Variants in ADGRL3 observed in about 807,000 individuals in gnomAD.
ADGRL3 encodes calcium-independent alpha-latrotoxin receptor 3.
A neutral mutation model predicts 153.5 loss-of-function variants in ADGRL3; 62 were observed. The ratio of observed to expected loss-of-function variants is 0.40; its 90% CI spans 0.33 to 0.50. ADGRL3 has a LOEUF of 0.50. ADGRL3 is among the 20% of genes least tolerant of loss of function. The pLI is 0.47. For synonymous variants in ADGRL3, 710 were observed against 672.5 expected (o/e 1.06, Z -0.86); for missense variants, 1,641 against 1,859.4 (o/e 0.88, Z 2.16).
chr4:61,650,367 G>A (rs1487307135), intron 5 of ADGRL3, among the ~76,000 whole-genome samples: 2 of 152,036 alleles, frequency 1.3e-5, no homozygotes, highest in East Asian at 1.9e-4. Flanking sequence ...AGTAACATGA[G>A]AAGCAATGAG....
chr4:61,788,394 C>A (rs1422474313), intron 8 of ADGRL3, among the ~76,000 whole-genome samples: 1 of 152,044 alleles, frequency 6.6e-6, no homozygotes, highest in Non-Finnish European at 1.5e-5. Flanking sequence ...CAGCCCAGAA[C>A]CCCGTAGCTC....
At chr4:61,333,603 T>C (rs1442919601) in intron 1 of ADGRL3, among the ~76,000 whole-genome samples, 3 of 152,020 alleles carry the variant, frequency 2.0e-5, no homozygotes, top group Non-Finnish European at 1.5e-5. Context: ...TTTTTTTTTC[T>C]TTTGTTTTTT....
intron 24 of ADGRL3, among the ~76,000 whole-genome samples, chr4:62,039,697 A>G (rs1312021629): frequency 6.6e-6 from 1 of 152,138 alleles, no homozygotes; most frequent in African/African-American, 2.4e-5. Context: ...GATGATGCTT[A>G]TAGCATGAGC....
At chr4:61,377,027 G>A (rs1167139341) in intron 1 of ADGRL3, among the ~76,000 whole-genome samples, 1 of 152,112 alleles carries the variant, frequency 6.6e-6, no homozygotes, top group African/African-American at 2.4e-5. Context: ...AACTGTATCT[G>A]TATCTGTTTA....
chr4:61,992,501 G>A (rs1225096352), intron 19 of ADGRL3, among the ~76,000 whole-genome samples: 2 of 152,164 alleles, frequency 1.3e-5, no homozygotes, highest in African/African-American at 4.8e-5. Context: ...AAGGCTTTGA[G>A]AAAGCCAGCA....
chr4:61,230,760 T>A (rs1750274748), intron 1 of ADGRL3, among the ~76,000 whole-genome samples: 1 of 152,226 alleles, frequency 6.6e-6, no homozygotes, highest in South Asian at 2.1e-4. Flanking sequence ...TATAGTAGTA[T>A]AACTTAACCA....
At chr4:61,576,693 C>T (rs777956543) in intron 4 of ADGRL3, among the ~76,000 whole-genome samples, 1 of 150,986 alleles carries the variant, frequency 6.6e-6, no homozygotes, top group Non-Finnish European at 1.5e-5. Context: ...TTGTAAGCAG[C>T]ATAGTCAATT....
At chr4:61,958,242 G>A (rs2098974830) in intron 17 of ADGRL3, among the ~76,000 whole-genome samples, 1 of 151,932 alleles carries the variant, frequency 6.6e-6, no homozygotes, top group Non-Finnish European at 1.5e-5. Flanking sequence ...TTGACCAAGT[G>A]GACAGAATTC....
intron 1 of ADGRL3, among the ~76,000 whole-genome samples, chr4:61,289,452 A>G (rs529947628): frequency 6.6e-6 from 1 of 152,178 alleles, no homozygotes; most frequent in South Asian, 2.1e-4. Context: ...GAAGACTATT[A>G]ACATACTGCG....
intron 4 of ADGRL3, among the ~76,000 whole-genome samples, chr4:61,572,560 G>C (rs2098843440): frequency 6.6e-6 from 1 of 152,070 alleles, no homozygotes; most frequent in African/African-American, 2.4e-5. Context: ...AATTATCTAA[G>C]TGACTACAGA....
At chr4:61,894,740 C>T (rs1029677702) in intron 10 of ADGRL3, among the ~76,000 whole-genome samples, 6 of 152,072 alleles carry the variant, frequency 3.9e-5, no homozygotes, top group Admixed American at 6.6e-5. Flanking sequence ...TTGTCTAGGC[C>T]CCCACAGTCT....
intron 5 of ADGRL3, among the ~76,000 whole-genome samples, chr4:61,676,129 A>C (rs2095183078): frequency 6.6e-6 from 1 of 151,860 alleles, no homozygotes. Flanking sequence ...GTGGTATGTC[A>C]TTATTCTTTT....
intron 9 of ADGRL3, among the ~76,000 whole-genome samples, chr4:61,862,687 C>T (rs899560024): frequency 1.3e-5 from 2 of 152,164 alleles, no homozygotes; most frequent in African/African-American, 2.4e-5. Flanking sequence ...CATTAGCATC[C>T]TCTGGGAACT....
intron 4 of ADGRL3, among the ~76,000 whole-genome samples, chr4:61,557,700 C>A (rs1025011838): frequency 2.0e-5 from 3 of 152,040 alleles, no homozygotes; most frequent in African/African-American, 7.2e-5. Flanking sequence ...AAACACTAAC[C>A]TTAGGAATTC....
intron 5 of ADGRL3, among the ~76,000 whole-genome samples, chr4:61,599,507 A>C (rs530834079): frequency 6.6e-6 from 1 of 152,056 alleles, no homozygotes; most frequent in East Asian, 1.9e-4. Flanking sequence ...TAAGTTTTGT[A>C]TTTTTAGTAG....
At chr4:61,268,091 T>A (rs1464511243) in intron 1 of ADGRL3, among the ~76,000 whole-genome samples, 2 of 151,602 alleles carry the variant, frequency 1.3e-5, no homozygotes, top group African/African-American at 2.4e-5. Context: ...TATGACTGGT[T>A]TTCTCAAACA....
rs192340688 is a variant in ADGRL3 at position 61,991,678 on chromosome 4, G to A, written c.3237-4613G>A. Among the ~76,000 whole-genome samples the A allele has an allele frequency of 4.0e-5, 6 of 151,708 alleles. No individual in the cohort carries two copies. In the South Asian group the frequency reaches 1.2e-3, roughly 31 times the overall value. On this transcript the variant is annotated intron_variant, in intron 19 of 26. Coordinates refer to ENST00000683033, the MANE Select transcript of ADGRL3 (RefSeq NM_001387552.1). ...AAAAATTCATGCACTTGCTTGCAAA[G>A]CATTTCAACATTAGATGTATGAATG...
chr4:61,239,927 T>A (rs186838504), intron 1 of ADGRL3, among the ~76,000 whole-genome samples: 281 of 152,268 alleles, frequency 1.8e-3, no homozygotes, highest in African/African-American at 6.1e-3. Flanking sequence ...GTACATTTAG[T>A]TCACTATTAG....
At chr4:61,247,346 C>T (rs530852665) in intron 1 of ADGRL3, among the ~76,000 whole-genome samples, 6 of 152,078 alleles carry the variant, frequency 3.9e-5, no homozygotes, top group African/African-American at 1.4e-4. Flanking sequence ...TATAGACAGA[C>T]CAAGATATAT....
Sources: gnomAD v4.1 joint callset for allele counts (sites outside exome capture counted in the v4.1 genomes callset) on GRCh38, gnomAD v4.1.1 for gene constraint, MANE v1.5 for transcripts, NCBI Gene and HGNC (gene_info 2026-07-23, HGNC 2026-07-21) for gene names.